PPP6R3: variants seen among roughly 807,000 people sequenced by gnomAD.
The protein encoded by PPP6R3 is protein phosphatase 6 regulatory subunit 3.
PPP6R3 carries 38 observed loss-of-function variants against 110.7 expected under a neutral mutation model. The ratio of observed to expected loss-of-function variants is 0.34; its 90% confidence interval spans 0.26 to 0.45. The LOEUF (loss-of-function observed/expected upper bound fraction) is 0.45. Ranked by LOEUF, PPP6R3 falls within the 20% of genes least tolerant of loss-of-function variation. The probability of loss-of-function intolerance (pLI) is 1.00; values close to 1 mark genes in which losing one functional copy is unlikely to be tolerated. For missense variants in PPP6R3, 870 were observed against 1,062.4 expected (o/e 0.82, Z 2.52); for synonymous variants, 369 against 373.5 (o/e 0.99, Z 0.14).
chr11:68,466,128 GGA>G (rs2098743563), intron 1 of PPP6R3, among the ~76,000 whole-genome samples: 1 of 152,170 alleles, frequency 6.6e-6, no homozygotes, highest in South Asian at 2.1e-4. Context: ...ACTTCAAGTG[GGA>G]GGGGGTGTTT....
At chr11:68,469,391 GTTTT>G (rs954717634) in intron 1 of PPP6R3, among the ~76,000 whole-genome samples, 3 of 152,064 alleles carry the variant, frequency 2.0e-5, no homozygotes, top group Admixed American at 2.0e-4. Context: ...GAGTGCAGTG[GTTTT>G]TGTTTATTTT....
At chr11:68,539,724 TA>T (rs1190901248) in intron 3 of PPP6R3, among the ~76,000 whole-genome samples, 1 of 152,146 alleles carries the variant, frequency 6.6e-6, no homozygotes, top group Non-Finnish European at 1.5e-5. Context: ...GATGATGGAG[TA>T]ATTGCTGTAT....
chr11:68,480,198 AT>A (rs2098895271), intron 1 of PPP6R3, among the ~76,000 whole-genome samples: 1 of 152,160 alleles, frequency 6.6e-6, no homozygotes, highest in Non-Finnish European at 1.5e-5. Flanking sequence ...TCTGTAGGTA[AT>A]ACCAGTGGTT....
chr11:68,603,228 C>G (rs2099637218), intron 21 of PPP6R3, 114 bp from the exon 22 acceptor site: 6 of 1,366,514 alleles, frequency 4.4e-6, no homozygotes, highest in Non-Finnish European at 6.0e-6. Flanking sequence ...CCATCTCACT[C>G]TTTTTTTTCT....
chr11:68,584,477 A>G (rs2099572044), intron 15 of PPP6R3, among the ~76,000 whole-genome samples: 1 of 152,204 alleles, frequency 6.6e-6, no homozygotes, highest in Non-Finnish European at 1.5e-5. Context: ...ATCAAATGTA[A>G]ATTATCAAGG....
chr11:68,521,475 A>G (rs1484524127), intron 2 of PPP6R3, among the ~76,000 whole-genome samples: 1 of 152,114 alleles, frequency 6.6e-6, no homozygotes, highest in Non-Finnish European at 1.5e-5. Context: ...ACCTTTAGTT[A>G]TTCCTCCTCC....
intron 19 of PPP6R3, among the ~76,000 whole-genome samples, chr11:68,597,172 G>C (rs2099616244): frequency 6.6e-6 from 1 of 152,234 alleles, no homozygotes; most frequent in African/African-American, 2.4e-5. Flanking sequence ...AGGGGCTTGG[G>C]GTCGGCTGGG....
chr11:68,478,228 G>A (rs1218114235), intron 1 of PPP6R3, among the ~76,000 whole-genome samples: 2 of 151,986 alleles, frequency 1.3e-5, no homozygotes, highest in Non-Finnish European at 2.9e-5. Flanking sequence ...GATTACAGGC[G>A]TGAGCTGCCG....
At chr11:68,606,482 T>G (rs1204122431) in intron 22 of PPP6R3, among the ~76,000 whole-genome samples, 2 of 150,962 alleles carry the variant, frequency 1.3e-5, no homozygotes, top group East Asian at 1.9e-4. Context: ...TATGTAGTTT[T>G]TTTTTTTTTT....
chr11:68,594,306 GA>G (rs2099605502), intron 18 of PPP6R3, among the ~76,000 whole-genome samples: 1 of 147,718 alleles, frequency 6.8e-6, no homozygotes, highest in Non-Finnish European at 1.5e-5. Flanking sequence ...AGAGGAGAGA[GA>G]GAGAGAGAGA....
intron 19 of PPP6R3, among the ~76,000 whole-genome samples, chr11:68,596,749 A>G (rs1053301794): frequency 2.6e-5 from 4 of 152,184 alleles, no homozygotes; most frequent in African/African-American, 9.7e-5. Flanking sequence ...TGGCCTTTTA[A>G]AAATACTTCA....
rs999877007 is a variant in PPP6R3 at position 68,506,561 on chromosome 11, CACAA to C, written c.-157-12936_-157-12933del. On this transcript the variant is annotated intron_variant, in intron 1 of 23. Coordinates refer to ENST00000393800, the MANE Select transcript of PPP6R3 (RefSeq NM_001164161.2). ...AATCAAGTTAATTAACATTCATCAC[CACAA>C]ACACTTTTTTGTGGGAAGAAAATTG... Among the ~76,000 whole-genome samples, 3 of 151,396 alleles carry C rather than the reference CACAA, an allele frequency of 2.0e-5. No individual in the cohort carries two copies. The East Asian group carries it at 5.8e-4, about 29-fold the overall frequency.
chr11:68,569,992 G>A (rs1354809761), intron 11 of PPP6R3, 95 bp downstream of exon 11: 2 of 1,174,104 alleles, frequency 1.7e-6, no homozygotes, highest in African/African-American at 3.1e-5. Context: ...AAGGGCTTGA[G>A]GTTAGATTTC....
In PPP6R3 at chr11:68,573,153, T is replaced by TATATATATATAA. The variant is rs1468107550; in HGVS notation, c.1344-955_1344-954insTATATATATAAA. On this transcript the variant is annotated intron_variant, in intron 12 of 23. Coordinates refer to ENST00000393800, the MANE Select transcript of PPP6R3 (RefSeq NM_001164161.2). ...ATATATATATATATATATATATATA[T>TATATATATATAA]AATTTTTTTTTTTTTGAGACGGAGT... Among the ~76,000 whole-genome samples the TATATATATATAA allele has an allele frequency of 2.5e-3, 255 of 103,560 alleles. 13 individuals carry two copies. The highest frequency in any genetic ancestry group is 9.5e-3 in the African/African-American group (247 of 26,072). The allele number at this position is 103,560 out of a possible 152,430, so 67.9% of individuals were successfully genotyped here.
chr11:68,495,275 AC>A, intron 1 of PPP6R3, among the ~76,000 whole-genome samples: 1 of 152,298 alleles, frequency 6.6e-6, no homozygotes, highest in African/African-American at 2.4e-5. Flanking sequence ...AGATGCTAAA[AC>A]CCTTAAAAAA....
chr11:68,604,054 C>A, intron 22 of PPP6R3, among the ~76,000 whole-genome samples: 1 of 152,136 alleles, frequency 6.6e-6, no homozygotes. Flanking sequence ...TGAAGCTAAG[C>A]CTGTGCTTAG....
chr11:68,462,036 T>C (rs1468539513), intron 1 of PPP6R3, among the ~76,000 whole-genome samples: 1 of 152,202 alleles, frequency 6.6e-6, no homozygotes, highest in East Asian at 1.9e-4. Context: ...TCTCTTTTTT[T>C]TTCTCTGTAG....
chr11:68,478,886 G>A (rs1475860112), intron 1 of PPP6R3, among the ~76,000 whole-genome samples: 2 of 151,944 alleles, frequency 1.3e-5, no homozygotes, highest in Non-Finnish European at 2.9e-5. Context: ...TCCATCTCCT[G>A]ACATCGTGAT....
At chr11:68,486,760 CA>C (rs1325726563) in intron 1 of PPP6R3, among the ~76,000 whole-genome samples, 3 of 151,652 alleles carry the variant, frequency 2.0e-5, no homozygotes, top group Non-Finnish European at 2.9e-5. Context: ...GGTTATTATT[CA>C]AATTTTAAAT....
Sources: gnomAD v4.1 joint callset for allele counts (sites outside exome capture counted in the v4.1 genomes callset) on GRCh38, gnomAD v4.1.1 for gene constraint, MANE v1.5 for transcripts, NCBI Gene and HGNC (gene_info 2026-07-23, HGNC 2026-07-21) for gene names.